The following DYNC2H1 variants were observed in gnomAD, a reference collection of about 807,000 sequenced individuals.
DYNC2H1 encodes the protein cytoplasmic dynein 2 heavy chain 1.
In DYNC2H1, 410 loss-of-function variants were observed where a neutral mutation model predicts 570.0. The observed-to-expected ratio is 0.72, with a 90% CI of 0.66 to 0.78. The LOEUF (loss-of-function observed/expected upper bound fraction) is 0.78, where lower values mean the gene tolerates loss of function less well. Ranked by LOEUF, DYNC2H1 falls within the 30% of genes least tolerant of loss-of-function variation. DYNC2H1 has a pLI of 0.00. For synonymous variants in DYNC2H1, 1,688 were observed against 1,677.6 expected (o/e 1.01, Z -0.15); for missense variants, 4,865 against 5,046.4 (o/e 0.96, Z 1.09).
intron 47 of DYNC2H1, among the ~76,000 whole-genome samples, chr11:103,195,161 GT>G (rs1862470398): frequency 6.6e-6 from 1 of 152,148 alleles, no homozygotes; most frequent in Non-Finnish European, 1.5e-5. Flanking sequence ...CAGATAAAAA[GT>G]TTTTATATAA....
intron 40 of DYNC2H1, among the ~76,000 whole-genome samples, chr11:103,182,251 G>T (rs997635653): frequency 1.5e-4 from 22 of 149,098 alleles, no homozygotes; most frequent in African/African-American, 5.2e-4. Flanking sequence ...ATAATATATA[G>T]GTATTTATAT....
chr11:103,384,310 T>G (rs553550919), intron 83 of DYNC2H1, among the ~76,000 whole-genome samples: 16 of 152,252 alleles, frequency 1.1e-4, no homozygotes, highest in African/African-American at 3.4e-4. Flanking sequence ...ATTTTTCTGA[T>G]ATTAATATGT....
At chr11:103,456,832 A>G (rs375265741) in intron 87 of DYNC2H1, among the ~76,000 whole-genome samples, 2 of 152,332 alleles carry the variant, frequency 1.3e-5, no homozygotes, top group Non-Finnish European at 1.5e-5. Flanking sequence ...CTGATGGTTC[A>G]GTGTGCGCAA....
chr11:103,172,972 G>T, intron 34 of DYNC2H1, 110 bp from the exon 35 acceptor site: 2 of 514,464 alleles, frequency 3.9e-6, no homozygotes, highest in Non-Finnish European at 5.5e-6. Context: ...ATAAAATTCT[G>T]TTGGCAGCAT....
At chr11:103,418,591 A>G (rs1943368426) in intron 84 of DYNC2H1, among the ~76,000 whole-genome samples, 1 of 152,162 alleles carries the variant, frequency 6.6e-6, no homozygotes. Flanking sequence ...CTGTGGCACT[A>G]TGGAGAGGAA....
intron 82 of DYNC2H1, among the ~76,000 whole-genome samples, chr11:103,328,368 C>G (rs1025662667): frequency 1.3e-5 from 2 of 152,082 alleles, no homozygotes; most frequent in Admixed American, 1.3e-4. Context: ...TGCAACTGAA[C>G]TAATAGAATT....
At chr11:103,174,313 A>C (rs1861704757) in intron 36 of DYNC2H1, 143 bp downstream of exon 36, 1 of 554,898 alleles carries the variant, frequency 1.8e-6, no homozygotes, top group South Asian at 4.0e-5. Flanking sequence ...TGTTGTTAAC[A>C]TCTTTCATTA....
At position 103,204,013 on chromosome 11, in the gene DYNC2H1, A is replaced by G. The variant is rs1421564476; in HGVS notation, c.8311+237A>G. On this transcript the variant is annotated intron_variant, in intron 51 of 88. Transcript: ENST00000375735. This position sits in a 1 kb window ranked among gnomAD's most constrained non-coding sequence, Gnocchi z 4.1. Reference sequence around the variant, plus strand: ...ACACTGAGCAATTTACAAAAGAAAGAGGTTTATTGGACTCACAGTTCCCAC... The same window carrying G: ...ACACTGAGCAATTTACAAAAGAAAGGGGTTTATTGGACTCACAGTTCCCAC... Among the ~76,000 whole-genome samples, 1 of 152,126 alleles carries G rather than the reference A, an allele frequency of 6.6e-6. No individual in the cohort carries two copies. The highest frequency in any genetic ancestry group is 1.5e-5 in the Non-Finnish European group (1 of 68,022).
intron 31 of DYNC2H1, among the ~76,000 whole-genome samples, chr11:103,167,003 TTTTTTTTTG>T (rs1001089883): frequency 1.7e-4 from 25 of 147,938 alleles, no homozygotes; most frequent in African/African-American, 6.2e-4. Context: ...TTTTTTTTTT[TTTTTTTTTG>T]ATTTTTCCTC....
chr11:103,369,059 G>A lies in DYNC2H1; in HGVS notation c.12156+10700G>A, dbSNP rs1941036637. Among the ~76,000 whole-genome samples the A allele has an allele frequency of 6.6e-6, 1 of 152,130 alleles. No individual in the cohort carries two copies. Among genetic ancestry groups the A allele is most frequent in the Non-Finnish European group, 1.5e-5 (1 of 68,034 alleles). On this transcript the variant is annotated intron_variant, in intron 83 of 88. Transcript: ENST00000375735. This position sits in a 1 kb window ranked among gnomAD's most constrained non-coding sequence, Gnocchi z 4.0. ...TGGTTTTAACTTCTTATTGCTGAAAGAGGCATTGAAGAGGTAGGAAAAACA... is the reference window on the plus strand; with the variant it reads ...TGGTTTTAACTTCTTATTGCTGAAAAAGGCATTGAAGAGGTAGGAAAAACA...
chr11:103,221,034 T>C (rs1215368010), intron 57 of DYNC2H1, among the ~76,000 whole-genome samples: 1 of 152,056 alleles, frequency 6.6e-6, no homozygotes, highest in Non-Finnish European at 1.5e-5. Context: ...AAGAAATTTC[T>C]CAATAAATAT....
At chr11:103,235,606 T>A (rs1389492396) in intron 61 of DYNC2H1, 66 bp from the exon 62 acceptor site, 1 of 1,431,224 alleles carries the variant, frequency 7.0e-7, no homozygotes, top group African/African-American at 1.4e-5. Flanking sequence ...ACCATAAAAC[T>A]GTCATTTTCT....
intron 12 of DYNC2H1, among the ~76,000 whole-genome samples, chr11:103,128,488 A>G (rs561983544): frequency 3.9e-5 from 6 of 152,354 alleles, no homozygotes; most frequent in Non-Finnish European, 8.8e-5. Flanking sequence ...TGAGAGAAGC[A>G]TTAAGGATAT....
At chr11:103,387,927 CAGGT>C (rs1187974707) in intron 83 of DYNC2H1, among the ~76,000 whole-genome samples, 2 of 152,132 alleles carry the variant, frequency 1.3e-5, no homozygotes, top group Non-Finnish European at 2.9e-5. Flanking sequence ...AGTTTGAAGT[CAGGT>C]AGTGTGATGC....
intron 84 of DYNC2H1, among the ~76,000 whole-genome samples, chr11:103,435,303 G>C (rs1412897000): frequency 1.3e-5 from 2 of 152,040 alleles, no homozygotes; most frequent in South Asian, 2.1e-4. Context: ...ATGTTGAGAA[G>C]TTTGTGTGAT....
rs181347761 is a variant in DYNC2H1, at chr11:103,325,651, C to T, written c.12039+1661C>T. On this transcript the variant is annotated intron_variant, in intron 82 of 88. Coordinates refer to ENST00000375735, the MANE Select transcript of DYNC2H1 (RefSeq NM_001377.3). The surrounding 1 kb of genome is among the most constrained non-coding windows in gnomAD (Gnocchi z 4.8). Reference sequence around the variant, plus strand: ...ATACTTCTGATTGTATTATGAAATTCTTGTAGTGAATTTTTCCATTCCAGA... The same window carrying T: ...ATACTTCTGATTGTATTATGAAATTTTTGTAGTGAATTTTTCCATTCCAGA... Among the ~76,000 whole-genome samples the T allele has an allele frequency of 3.8e-4, 58 of 152,196 alleles. No individual in the cohort carries two copies. Among genetic ancestry groups the T allele is most frequent in the African/African-American group, 1.4e-3 (58 of 41,524 alleles).
rs747857715 is a variant in DYNC2H1, at chr11:103,199,438, G to T, written c.8050G>T (p.Gly2684Ter). ...AVLFSPKISRGYELKQFKNDL... is the reference protein window; with the variant it reads ...AVLFSPKISR ...CCTGTTTTCTCCAAAGATTTCCAGA[G>T]GATATGAACTGAAGCAGTTCAAAAA... The change falls in exon 49 of 89, where the codon GGA (glycine) becomes TGA (stop). Residue 2684 changes from glycine to a stop codon, truncating the protein, a stop_gained. Coordinates refer to ENST00000375735, the MANE Select transcript of DYNC2H1 (RefSeq NM_001377.3). LOFTEE classifies it high-confidence loss of function. This position sits in a 1 kb window ranked among gnomAD's most constrained non-coding sequence, Gnocchi z 4.6. The T allele has an allele frequency of 8.7e-6, 14 of 1,610,134 alleles. No individual in the cohort carries two copies. The highest frequency in any genetic ancestry group is 1.2e-5 in the Non-Finnish European group (14 of 1,178,046).
chr11:103,190,982 C>G (rs1470132423), intron 45 of DYNC2H1, among the ~76,000 whole-genome samples: 1 of 129,170 alleles, frequency 7.7e-6, no homozygotes, highest in African/African-American at 2.9e-5. Flanking sequence ...TTTTGGCCAT[C>G]TGTTGAAGCC....
chr11:103,348,785 C>T (rs1897208), intron 82 of DYNC2H1, among the ~76,000 whole-genome samples: 1 of 151,872 alleles, frequency 6.6e-6, no homozygotes, highest in Non-Finnish European at 1.5e-5. Flanking sequence ...ATTCTAGTTC[C>T]CATATCCCCC....
Sources: gnomAD v4.1 joint callset for allele counts (sites outside exome capture counted in the v4.1 genomes callset) on GRCh38, gnomAD v4.1.1 for gene constraint, Gnocchi (gnomAD v3.1) non-coding constraint, MANE v1.5 for transcripts, NCBI Gene and HGNC (gene_info 2026-07-23, HGNC 2026-07-21) for gene names.